The following GRIN2B variants were observed in gnomAD, a reference collection of about 807,000 sequenced individuals.
GRIN2B encodes glutamate ionotropic receptor NMDA type subunit 2B, also known as glutamate receptor ionotropic, NMDA 2B.
In GRIN2B, 5 loss-of-function variants were observed where a neutral mutation model predicts 114.5. The observed-to-expected ratio is 0.04, with a 90% CI of 0.02 to 0.09. The LOEUF (loss-of-function observed/expected upper bound fraction) is 0.09, where lower values mean the gene tolerates loss of function less well. Ranked by LOEUF, GRIN2B falls within the 10% of genes least tolerant of loss-of-function variation. GRIN2B has a pLI of 1.00. For missense variants in GRIN2B, 1,108 were observed against 1,943.5 expected (o/e 0.57, Z 8.08); for synonymous variants, 787 against 745.1 (o/e 1.06, Z -0.92).
chr12:13,928,302 C>CAAAAAAAA (rs745858482), intron 2 of GRIN2B, among the ~76,000 whole-genome samples: 2 of 88,058 alleles, frequency 2.3e-5, no homozygotes, highest in Non-Finnish European at 2.3e-5. Flanking sequence ...GACTTCATCT[C>CAAAAAAAA]AAAAAAAAAA....
chr12:13,594,280 C>T (rs1432931772), intron 10 of GRIN2B, among the ~76,000 whole-genome samples: 29 of 152,222 alleles, frequency 1.9e-4, no homozygotes, highest in Non-Finnish European at 1.0e-4. Flanking sequence ...GACCCAAATG[C>T]CCATCAATGA....
chr12:13,747,275 GGAGAAGAA>G (rs946444134), intron 4 of GRIN2B, among the ~76,000 whole-genome samples: 1 of 152,084 alleles, frequency 6.6e-6, no homozygotes, highest in Non-Finnish European at 1.5e-5. Flanking sequence ...TTGACTTCAG[GGAGAAGAA>G]GCAACAATCA....
Position 13,975,222 on chromosome 12 carries a change from C to T in GRIN2B, c.-19+4706G>A, listed in dbSNP as rs142805028. 2.6e-3 allele frequency among the ~76,000 whole-genome samples: 394 copies of T among 152,250 alleles called. 3 individuals carry two copies. The highest frequency in any genetic ancestry group is 8.9e-3 in the African/African-American group (370 of 41,524). On this transcript the variant is annotated intron_variant, in intron 2 of 13. Coordinates refer to ENST00000609686, the MANE Select transcript of GRIN2B (RefSeq NM_000834.5). ...GCAGGGATGGTGTAGACCTGTGAAGCGTGGTCCAGCAACTCTGGCGTCAAC... is the reference window on the plus strand; with the variant it reads ...GCAGGGATGGTGTAGACCTGTGAAGTGTGGTCCAGCAACTCTGGCGTCAAC...
chr12:13,934,329 CCTTAGGAAA>C (rs1867090258), intron 2 of GRIN2B, among the ~76,000 whole-genome samples: 2 of 152,140 alleles, frequency 1.3e-5, no homozygotes, highest in Admixed American at 6.5e-5. Context: ...TGACTCTTGT[CCTTAGGAAA>C]CTATTTGGAA....
rs377642005 is a variant in GRIN2B, at chr12:13,865,849, G to C, written c.360C>G (p.Leu120=). ...QILDFISAQT[L]TPILGIHGGS... is the part of the protein sequence containing the mutation. ...CCCCGTGGATGCCCAGGATGGGGGT[G>C]AGAGTCTGTGCTGAAATGAAATCGA... Residue 120 remains leucine, a synonymous_variant, in exon 3 of 14, where the codon CTC becomes CTG. Coordinates refer to ENST00000609686, the MANE Select transcript of GRIN2B (RefSeq NM_000834.5). 3.7e-6 allele frequency: 6 copies of C among 1,614,042 alleles called. No individual in the cohort carries two copies.
chr12:13,790,070 C>G (rs575073155), intron 3 of GRIN2B, among the ~76,000 whole-genome samples: 11 of 152,344 alleles, frequency 7.2e-5, no homozygotes, highest in African/African-American at 2.6e-4. Context: ...CTCACTTTCT[C>G]AGTTCTGATC....
chr12:13,711,214 T>A (rs542792187), intron 4 of GRIN2B, among the ~76,000 whole-genome samples: 1 of 151,404 alleles, frequency 6.6e-6, no homozygotes, highest in Admixed American at 6.6e-5. Context: ...TTATACCTTA[T>A]ACAAAAATTA....
chr12:13,634,918 A>C (rs991111337), intron 5 of GRIN2B, among the ~76,000 whole-genome samples: 1 of 152,232 alleles, frequency 6.6e-6, no homozygotes, highest in African/African-American at 2.4e-5. Context: ...AGTATAGCCC[A>C]TTCCAAGGAT....
intron 3 of GRIN2B, among the ~76,000 whole-genome samples, chr12:13,823,383 T>C (rs1032747070): frequency 2.6e-5 from 4 of 152,074 alleles, no homozygotes; most frequent in African/African-American, 4.8e-5. Context: ...GTCTTGAATA[T>C]GTTGATATAT....
rs1948260169 is a variant in GRIN2B, at chr12:13,540,278, G to T, written c.*22505C>A. On this transcript the variant is annotated 3_prime_UTR_variant, in exon 14 of 14. Transcript: ENST00000609686. ...TTTGTGGTAGGTTTCTTTATTTTTT[G>T]AATATAAAGTGACAGAAATAATTTG... 1 of 152,070 alleles carries T rather than the reference G, an allele frequency of 6.6e-6. No homozygotes were observed. Among genetic ancestry groups the T allele is most frequent in the African/African-American group, 2.4e-5 (1 of 41,412 alleles). The allele number at this position is 152,070 out of a possible 1,614,324, so 9.4% of individuals were successfully genotyped here. A position where few individuals can be genotyped will look rare whatever the true frequency, so the allele number is the denominator to read the frequency against.
chr12:13,748,762 C>A (rs1023244851), intron 4 of GRIN2B, among the ~76,000 whole-genome samples: 11 of 152,114 alleles, frequency 7.2e-5, no homozygotes, highest in African/African-American at 1.9e-4. Context: ...GAAGTTCCAA[C>A]AGAAAATTAA....
intron 5 of GRIN2B, among the ~76,000 whole-genome samples, chr12:13,619,022 A>G (rs536860853): frequency 6.6e-6 from 1 of 152,340 alleles, no homozygotes; most frequent in Non-Finnish European, 1.5e-5. Context: ...GACTGCCAAC[A>G]TAGAAAAAAG....
At chr12:13,914,206 C>A (rs1866672251) in intron 2 of GRIN2B, among the ~76,000 whole-genome samples, 1 of 152,046 alleles carries the variant, frequency 6.6e-6, no homozygotes, top group Non-Finnish European at 1.5e-5. Flanking sequence ...CACTACTGGT[C>A]CCCTGCCTAC....
At chr12:13,803,253 G>T (rs1211501641) in intron 3 of GRIN2B, among the ~76,000 whole-genome samples, 1 of 152,066 alleles carries the variant, frequency 6.6e-6, no homozygotes, top group Non-Finnish European at 1.5e-5. Flanking sequence ...TTAAGTTTTG[G>T]GGAGTCAAAA....
intron 3 of GRIN2B, among the ~76,000 whole-genome samples, chr12:13,769,425 A>C (rs1863865179): frequency 6.6e-6 from 1 of 151,970 alleles, no homozygotes; most frequent in African/African-American, 2.4e-5. Flanking sequence ...ATTCATACTC[A>C]GTGTTTCGTG....
chr12:13,795,374 C>CG (rs1425449194), intron 3 of GRIN2B, among the ~76,000 whole-genome samples: 1 of 91,442 alleles, frequency 1.1e-5, no homozygotes, highest in Non-Finnish European at 2.7e-5. Context: ...GATGCAGTGG[C>CG]GAAAAAAAAA....
intron 3 of GRIN2B, among the ~76,000 whole-genome samples, chr12:13,794,273 A>G (rs893097144): frequency 6.6e-6 from 1 of 152,096 alleles, no homozygotes; most frequent in Admixed American, 6.5e-5. Context: ...AAGAAAGCAT[A>G]AGAAAAGTTA....
At chr12:13,618,325 C>T (rs1206848739) in intron 5 of GRIN2B, among the ~76,000 whole-genome samples, 1 of 152,198 alleles carries the variant, frequency 6.6e-6, no homozygotes, top group East Asian at 1.9e-4. Context: ...AGTGGCCAAA[C>T]TGGTTTATAT....
intron 3 of GRIN2B, among the ~76,000 whole-genome samples, chr12:13,851,157 C>A (rs1865558552): frequency 6.6e-6 from 1 of 152,146 alleles, no homozygotes; most frequent in Non-Finnish European, 1.5e-5. Context: ...TTAATCAATT[C>A]TGGGTTAAGA....
Sources: allele counts gnomAD v4.1 joint callset (sites outside exome capture counted in the v4.1 genomes callset), GRCh38; gene constraint gnomAD v4.1.1; transcripts MANE v1.5; gene names NCBI Gene and HGNC (gene_info 2026-07-23, HGNC 2026-07-21).